The following BPGM variants were observed in gnomAD, a reference collection of about 807,000 sequenced individuals.
BPGM encodes the protein 2,3-bisphosphoglycerate mutase, erythrocyte.
BPGM carries 15 observed loss-of-function variants against 21.6 expected under a neutral mutation model. That is an observed-to-expected ratio of 0.70 (90% CI 0.47 to 1.07). The LOEUF is 1.07. Among genes scored for constraint, BPGM ranks in the 50% least tolerant of loss-of-function variants. BPGM has a pLI of 0.00. For missense variants in BPGM, 273 were observed against 319.0 expected (o/e 0.86, Z 1.10); for synonymous variants, 113 against 116.2 (o/e 0.97, Z 0.18).
chr7:134,677,995 G>T (rs1796006517), intron 2 of BPGM, among the ~76,000 whole-genome samples: 1 of 152,170 alleles, frequency 6.6e-6, no homozygotes, highest in Non-Finnish European at 1.5e-5. Flanking sequence ...TCATCATATT[G>T]CAATGATGAT....
chr7:134,664,438 C>T (rs1795783208), intron 2 of BPGM, among the ~76,000 whole-genome samples: 2 of 152,184 alleles, frequency 1.3e-5, no homozygotes, highest in African/African-American at 4.8e-5. Flanking sequence ...CACATTTCCC[C>T]TTTTATAAGG....
At chr7:134,656,505 G>T (rs1411554645) in intron 1 of BPGM, among the ~76,000 whole-genome samples, 1 of 152,344 alleles carries the variant, frequency 6.6e-6, no homozygotes, top group South Asian at 2.1e-4. Context: ...TCACAGTTCA[G>T]CATGGCTGGA....
intron 1 of BPGM, among the ~76,000 whole-genome samples, chr7:134,656,559 A>G (rs1268833069): frequency 6.6e-6 from 1 of 152,206 alleles, no homozygotes; most frequent in South Asian, 2.1e-4. Context: ...GGAAGCAAAC[A>G]TGTCCTTCTT....
At chr7:134,660,528 A>G (rs2131429288) in intron 1 of BPGM, 1 of 152,436 alleles carries the variant, frequency 6.6e-6, no homozygotes, top group Non-Finnish European at 1.5e-5. Context: ...GGAGTTCAGC[A>G]TAGCTTGAGA....
intron 1 of BPGM, among the ~76,000 whole-genome samples, chr7:134,656,519 G>C (rs550228283): frequency 6.6e-6 from 1 of 152,214 alleles, no homozygotes; most frequent in South Asian, 2.1e-4. Context: ...GGCTGGAGAG[G>C]CCTCAGGAAA....
chr7:134,654,719 A>T (rs1439520840), intron 1 of BPGM, among the ~76,000 whole-genome samples: 2 of 152,170 alleles, frequency 1.3e-5, no homozygotes, highest in African/African-American at 4.8e-5. Context: ...CTACACCAAA[A>T]TCTTAGTGGG....
chr7:134,651,835 CTTTGA>C (rs1470583681), intron 1 of BPGM, among the ~76,000 whole-genome samples: 1 of 152,148 alleles, frequency 6.6e-6, no homozygotes, highest in African/African-American at 2.4e-5. Context: ...AAAGTATGTT[CTTTGA>C]TTTGTTTATT....
chr7:134,677,351 C>T (rs935699378), intron 2 of BPGM, among the ~76,000 whole-genome samples: 8 of 152,068 alleles, frequency 5.3e-5, no homozygotes, highest in Admixed American at 2.6e-4. Flanking sequence ...ACTGGCAGGG[C>T]AGGTGATGGG....
intron 2 of BPGM, among the ~76,000 whole-genome samples, chr7:134,671,522 C>A (rs775602362): frequency 1.3e-5 from 2 of 151,926 alleles, no homozygotes; most frequent in Non-Finnish European, 1.5e-5. Flanking sequence ...CCACCACGCC[C>A]GGCTAATTTT....
chr7:134,655,859 T>A (rs1456660607), intron 1 of BPGM, among the ~76,000 whole-genome samples: 3 of 152,202 alleles, frequency 2.0e-5, no homozygotes, highest in African/African-American at 7.2e-5. Context: ...GATACAGCAG[T>A]AAGACCTGCC....
intron 2 of BPGM, among the ~76,000 whole-genome samples, chr7:134,673,903 CTT>C (rs11408520): frequency 2.0e-4 from 24 of 122,192 alleles, no homozygotes; most frequent in Admixed American, 2.6e-4. Context: ...GATCTGTTTC[CTT>C]TTTTTTTTTT....
intron 2 of BPGM, among the ~76,000 whole-genome samples, chr7:134,663,509 TTCA>T (rs1361473609): frequency 6.6e-6 from 1 of 152,240 alleles, no homozygotes; most frequent in African/African-American, 2.4e-5. Flanking sequence ...GATATATAAC[TTCA>T]TCATTAATGG....
chr7:134,664,330 G>C (rs1276410814), intron 2 of BPGM, among the ~76,000 whole-genome samples: 1 of 152,122 alleles, frequency 6.6e-6, no homozygotes, highest in African/African-American at 2.4e-5. Flanking sequence ...ATTCTTCCTT[G>C]CCTTGGCTAG....
intron 2 of BPGM, among the ~76,000 whole-genome samples, chr7:134,669,111 T>C (rs1415514410): frequency 6.6e-6 from 1 of 152,206 alleles, no homozygotes; most frequent in Admixed American, 6.5e-5. Context: ...ATTGGGACCT[T>C]ACCTTTTGTT....
At chr7:134,669,197 T>C (rs1481635560) in intron 2 of BPGM, among the ~76,000 whole-genome samples, 1 of 152,220 alleles carries the variant, frequency 6.6e-6, no homozygotes, top group Non-Finnish European at 1.5e-5. Context: ...TGCACCTATC[T>C]GTGCCTTTGA....
At chr7:134,674,498 A>G (rs1795957606) in intron 2 of BPGM, among the ~76,000 whole-genome samples, 1 of 152,210 alleles carries the variant, frequency 6.6e-6, no homozygotes, top group African/African-American at 2.4e-5. Context: ...AAATGGACTT[A>G]TGCAGTAAGT....
chr7:134,652,813 C>T (rs952654311), intron 1 of BPGM, among the ~76,000 whole-genome samples: 1 of 152,162 alleles, frequency 6.6e-6, no homozygotes, highest in African/African-American at 2.4e-5. Flanking sequence ...GGGTTTCGTT[C>T]TTTTTATGGT....
Position 134,661,862 on chromosome 7 carries a change from T to C in BPGM, c.355T>C (p.Tyr119His). ...EEQVRLWRRS[Y>H]NVTPPPIEES... Reference sequence around the variant, plus strand: ...ACAAGTGAGGCTCTGGAGAAGAAGCTACAATGTAACCCCGCCTCCCATTGA... The same window carrying C: ...ACAAGTGAGGCTCTGGAGAAGAAGCCACAATGTAACCCCGCCTCCCATTGA... Residue 119 changes from tyrosine to histidine, a missense_variant, in exon 2 of 3, where the codon TAC becomes CAC. Transcript: ENST00000344924. The surrounding 1 kb of genome is among the most constrained non-coding windows in gnomAD (Gnocchi z 4.6). The C allele has an allele frequency of 1.2e-6, 2 of 1,607,812 alleles. No individual in the cohort carries two copies. The highest frequency in any genetic ancestry group is 2.2e-5 in the South Asian group (2 of 90,502).
chr7:134,657,458 A>G (rs1307270995), intron 1 of BPGM, among the ~76,000 whole-genome samples: 1 of 152,210 alleles, frequency 6.6e-6, no homozygotes, highest in Non-Finnish European at 1.5e-5. Flanking sequence ...AAGGAGTTTA[A>G]TTGTTAGTTT....
Sources: allele counts gnomAD v4.1 joint callset (sites outside exome capture counted in the v4.1 genomes callset), GRCh38; gene constraint gnomAD v4.1.1; non-coding constraint Gnocchi (gnomAD v3.1); transcripts MANE v1.5; gene names NCBI Gene and HGNC (gene_info 2026-07-23, HGNC 2026-07-21).